The following ZNF468 variants were observed in gnomAD, a reference collection of about 807,000 sequenced individuals.
ZNF468 encodes zinc finger protein 468, also known as zinc finger protein ZNF468.
Under a neutral mutation model 7.2 loss-of-function variants are expected in ZNF468, and 8 were observed. The observed-to-expected ratio is 1.11, with a 90% CI of 0.65 to 2.01. The LOEUF (loss-of-function observed/expected upper bound fraction) is 2.01, where lower values mean the gene tolerates loss of function less well. ZNF468 is among the 30% of genes most tolerant of loss of function. The probability of loss-of-function intolerance (pLI) is 0.00; values close to 1 mark genes in which losing one functional copy is unlikely to be tolerated. For synonymous variants in ZNF468, 218 were observed against 214.4 expected (o/e 1.02, Z -0.15); for missense variants, 608 against 626.5 (o/e 0.97, Z 0.31).
chr19:52,852,954 A>C (rs760830961), intron 2 of ZNF468, among the ~76,000 whole-genome samples: 2 of 151,756 alleles, frequency 1.3e-5, no homozygotes, highest in Middle Eastern at 3.4e-3. Flanking sequence ...TCCGAGGTTC[A>C]AGTCATTCTC....
intron 2 of ZNF468, among the ~76,000 whole-genome samples, chr19:52,852,445 G>A (rs1463857344): frequency 6.6e-6 from 1 of 152,108 alleles, no homozygotes; most frequent in Non-Finnish European, 1.5e-5. Flanking sequence ...GGAGGTTGAG[G>A]CAGGTGGATC....
At chr19:52,850,852 T>A (rs761093492) in intron 2 of ZNF468, among the ~76,000 whole-genome samples, 1 of 151,712 alleles carries the variant, frequency 6.6e-6, no homozygotes, top group Non-Finnish European at 1.5e-5. Flanking sequence ...TGAGCCGAGA[T>A]CGCGCCACTG....
rs552843342 is a variant in ZNF468 at position 52,841,076 on chromosome 19, A to T, written c.1218T>A (p.Ser406Arg). 1.1e-4 allele frequency: 183 copies of T among 1,613,026 alleles called. 1 individual carries two copies. The Middle Eastern group carries it at 1.8e-3, about 16-fold the overall frequency. Residue 406 changes from serine to arginine, a missense_variant, in exon 4 of 4, where the codon AGT (serine) becomes AGA (arginine). Transcript: ENST00000595646. Reference sequence around the variant, plus strand: ...CTTCACATTTGTAAGGTTTCTCTCCACTATGAATCCTCCTATGTCTTTCAA... The same window carrying T: ...CTTCACATTTGTAAGGTTTCTCTCCTCTATGAATCCTCCTATGTCTTTCAA... ...SHLERHRRIHSGEKPYKCEEC... is the reference protein window; with the variant it reads ...SHLERHRRIHRGEKPYKCEEC...
At chr19:52,852,184 G>A (rs1472363953) in intron 2 of ZNF468, among the ~76,000 whole-genome samples, 2 of 151,772 alleles carry the variant, frequency 1.3e-5, no homozygotes, top group East Asian at 3.9e-4. Context: ...TGGCCAACAT[G>A]GTGAAACTCT....
chr19:52,840,763 C>T lies in ZNF468; in HGVS notation c.1531G>A (p.Val511Ile), dbSNP rs368299311. Residue 511 changes from valine (V) to isoleucine (I), a missense_variant, in exon 4 of 4, where the codon GTA (valine) becomes ATA (isoleucine). Transcript: ENST00000595646. ...GKTFSQMSSL[V>I]YHHRLHSGEK... ...CCACTATGAAGCCTATGATGGTATA[C>T]AAGGGATGACATCTGACTGAAGGTC... is the stretch of plus-strand genomic sequence containing the variant. The T allele has an allele frequency of 8.7e-5, 140 of 1,613,352 alleles. No homozygotes were observed. Among genetic ancestry groups the T allele is most frequent in the Non-Finnish European group, 1.1e-4 (124 of 1,179,734 alleles).
intron 3 of ZNF468, among the ~76,000 whole-genome samples, chr19:52,847,514 T>C (rs551205186): frequency 2.6e-5 from 4 of 151,276 alleles, no homozygotes; most frequent in Admixed American, 1.3e-4. Flanking sequence ...GAGGCCTCTT[T>C]GCAGTTGAGA....
chr19:52,841,079 A>G lies in ZNF468; in HGVS notation c.1215T>C (p.His405=). Residue 405 remains histidine, a synonymous_variant, in exon 4 of 4, where the codon CAT becomes CAC. Transcript: ENST00000595646. ...KSHLERHRRI[H]SGEKPYKCEE... ...CACATTTGTAAGGTTTCTCTCCACT[A>G]TGAATCCTCCTATGTCTTTCAAGGT... 1 of 1,613,028 alleles carries G rather than the reference A, an allele frequency of 6.2e-7. No homozygotes were observed. The highest frequency in any genetic ancestry group is 8.5e-7 in the Non-Finnish European group (1 of 1,179,330).
intron 1 of ZNF468, among the ~76,000 whole-genome samples, chr19:52,855,025 A>G (rs2063424485): frequency 8.0e-6 from 1 of 125,606 alleles, no homozygotes; most frequent in Admixed American, 8.2e-5. Flanking sequence ...ATACAAATAC[A>G]AAATTAGCAG....
intron 3 of ZNF468, 138 bp downstream of exon 3, chr19:52,848,949 T>C: frequency 7.0e-7 from 1 of 1,425,032 alleles, no homozygotes; most frequent in Admixed American, 2.2e-5. Flanking sequence ...AAAGTCCAGA[T>C]GCTACATCAT....
At chr19:52,852,663 G>A (rs2063399830) in intron 2 of ZNF468, among the ~76,000 whole-genome samples, 2 of 151,810 alleles carry the variant, frequency 1.3e-5, no homozygotes, top group Middle Eastern at 3.4e-3. Context: ...GTGACAGAGT[G>A]AGACTCCATC....
chr19:52,854,267 A>G lies in ZNF468; in HGVS notation c.6T>C (p.Ala2=). 1 of 1,613,802 alleles carries G rather than the reference A, an allele frequency of 6.2e-7. No homozygotes were observed. Among genetic ancestry groups the G allele is most frequent in the South Asian group, 1.1e-5 (1 of 91,060 alleles). The stretch of plus-strand genomic sequence containing the variant: ...GAGGATATCATCTCACCTGAGGAAG[A>G]GCCATCCCTGACTCCTTTGCTTTCC... M[A]LPQGLLTFRD... Residue 2 remains alanine (A), a synonymous_variant, in exon 2 of 4, where the codon GCT becomes GCC. Transcript: ENST00000595646.
intron 1 of ZNF468, among the ~76,000 whole-genome samples, chr19:52,854,689 G>C (rs2063421278): frequency 6.6e-6 from 1 of 152,122 alleles, no homozygotes; most frequent in Non-Finnish European, 1.5e-5. Context: ...AAAAGTTTGA[G>C]ACTAGCCTGG....
chr19:52,842,059 T>A lies in ZNF468; in HGVS notation c.235A>T (p.Ser79Cys), dbSNP rs1308720455. 1 of 1,613,910 alleles carries A rather than the reference T, an allele frequency of 6.2e-7. No individual in the cohort carries two copies. The highest frequency in any genetic ancestry group is 8.5e-7 in the Non-Finnish European group (1 of 1,179,966). Reference protein sequence around the residue: ...IHTGTLHRQASHHIGEFCFHE... With the variant: ...IHTGTLHRQACHHIGEFCFHE... ...AAACAAAATTCTCCAATGTGATGACTTGCTTGTCTGTGCAATGTCCCTGTG... is the reference window on the plus strand; with the variant it reads ...AAACAAAATTCTCCAATGTGATGACATGCTTGTCTGTGCAATGTCCCTGTG... Residue 79 changes from serine (S) to cysteine (C), a missense_variant, in exon 4 of 4, where the codon AGT becomes TGT. Ser to Cys is a moderately radical substitution (Grantham distance 112). Transcript: ENST00000595646.
rs144630256 is a variant in ZNF468, at chr19:52,843,402, T to G, written c.143-1251A>C. Among the ~76,000 whole-genome samples, 795 of 152,156 alleles carry G rather than the reference T, an allele frequency of 5.2e-3. 5 individuals are homozygous for G. Among genetic ancestry groups the G allele is most frequent in the African/African-American group, 0.018 (761 of 41,486 alleles). The stretch of plus-strand genomic sequence containing the variant: ...CATGTGCCACCATGCCCAGCTAATT[T>G]TTGTATTTTTAGTAGAAATCAGGTT... On this transcript the variant is annotated intron_variant, in intron 3 of 3. Coordinates refer to ENST00000595646, the MANE Select transcript of ZNF468 (RefSeq NM_001008801.2).
chr19:52,853,541 A>G (rs1423952280), intron 2 of ZNF468, among the ~76,000 whole-genome samples: 1 of 152,024 alleles, frequency 6.6e-6, no homozygotes, highest in African/African-American at 2.4e-5. Context: ...ATACAAAAAA[A>G]TTAGCTGGGC....
chr19:52,840,644 A>C lies in ZNF468; in HGVS notation c.*81T>G. 6.2e-7 allele frequency: 1 copy of C among 1,601,754 alleles called. No homozygotes were observed. The highest frequency in any genetic ancestry group is 1.1e-5 in the South Asian group (1 of 90,730). ...ACCTTGCCACATTCATTATGCTTGT[A>C]AGGTTTCTCTCCAGTATGAATTGCC... On this transcript the variant is annotated 3_prime_UTR_variant, in exon 4 of 4. Transcript: ENST00000595646.
intron 3 of ZNF468, among the ~76,000 whole-genome samples, chr19:52,845,453 G>A (rs1219949167): frequency 6.6e-6 from 1 of 151,454 alleles, no homozygotes; most frequent in African/African-American, 2.4e-5. Context: ...TCAGGAGATC[G>A]AGACCATCCT....
intron 3 of ZNF468, chr19:52,845,446 G>A (rs1278339182): frequency 6.6e-6 from 1 of 151,848 alleles, no homozygotes; most frequent in East Asian, 2.0e-4. Context: ...CACCAGGTCA[G>A]GAGATCGAGA....
chr19:52,840,777 T>C lies in ZNF468; in HGVS notation c.1517A>G (p.Gln506Arg), dbSNP rs1280556345. Reference sequence around the variant, plus strand: ...ATGATGGTATACAAGGGATGACATCTGACTGAAGGTCTTGCCACACTCATT... The same window carrying C: ...ATGATGGTATACAAGGGATGACATCCGACTGAAGGTCTTGCCACACTCATT... The part of the protein sequence containing the change: ...KCNECGKTFS[Q>R]MSSLVYHHRL... Residue 506 changes from glutamine to arginine, a missense_variant, in exon 4 of 4, where the codon CAG (glutamine) becomes CGG (arginine). Coordinates refer to ENST00000595646, the MANE Select transcript of ZNF468 (RefSeq NM_001008801.2). 1 of 1,613,406 alleles carries C rather than the reference T, an allele frequency of 6.2e-7. No homozygotes were observed. The highest frequency in any genetic ancestry group is 8.5e-7 in the Non-Finnish European group (1 of 1,179,630).
Sources: gnomAD v4.1 joint callset for allele counts (sites outside exome capture counted in the v4.1 genomes callset) on GRCh38, gnomAD v4.1.1 for gene constraint, MANE v1.5 for transcripts, NCBI Gene and HGNC (gene_info 2026-07-23, HGNC 2026-07-21) for gene names.